TIMM44: variants seen among roughly 807,000 people sequenced by gnomAD.
The protein encoded by TIMM44 is mitochondrial import inner membrane translocase subunit TIM44.
In TIMM44, 37 loss-of-function variants were observed where a neutral mutation model predicts 63.8. The ratio of observed to expected loss-of-function variants is 0.58; its 90% confidence interval spans 0.45 to 0.76. The LOEUF is 0.76. Ranked by LOEUF, TIMM44 falls within the 30% of genes least tolerant of loss-of-function variation. The pLI is 0.00. For synonymous variants in TIMM44, 239 were observed against 245.1 expected (o/e 0.98, Z 0.23); for missense variants, 573 against 603.8 (o/e 0.95, Z 0.54).
chr19:7,937,989 G>T (rs771879435), intron 3 of TIMM44, 38 bp downstream of exon 3: 1 of 1,612,800 alleles, frequency 6.2e-7, no homozygotes, highest in Non-Finnish European at 8.5e-7. Flanking sequence ...CTACTCTCCA[G>T]CCTGGGTGAG....
intron 1 of TIMM44, among the ~76,000 whole-genome samples, chr19:7,942,214 GCACACACCTGTAGTCC>G (rs1210872740): frequency 2.6e-5 from 4 of 152,150 alleles, no homozygotes; most frequent in East Asian, 3.8e-4. Context: ...GGGCGTGGTG[GCACACACCTGTAGTCC>G]CACACACCTG....
At chr19:7,937,480 C>T (rs1158772179) in intron 3 of TIMM44, among the ~76,000 whole-genome samples, 1 of 152,168 alleles carries the variant, frequency 6.6e-6, no homozygotes, top group Non-Finnish European at 1.5e-5. Context: ...CCAGGAGGAG[C>T]CACTGCTGCT....
rs144223430 is a variant in TIMM44, at chr19:7,938,080, C to T, written c.259G>A (p.Glu87Lys). The change falls in exon 3 of 13, where the codon GAG becomes AAG. Residue 87 changes from glutamate (E) to lysine (K), a missense_variant. Transcript: ENST00000270538. ...MKESIKKFRD[E>K]ARRLEESDVL... ...TCTGATTCTTCTAGCCTTCTGGCCT[C>T]GTCACGGAATTTTTTTATACTTTCT... 2.7e-5 allele frequency: 44 copies of T among 1,614,060 alleles called. No individual in the cohort carries two copies. The highest frequency in any genetic ancestry group is 3.1e-5 in the Non-Finnish European group (36 of 1,180,026).
chr19:7,939,334 G>A (rs953997221), intron 2 of TIMM44, among the ~76,000 whole-genome samples: 18 of 152,120 alleles, frequency 1.2e-4, no homozygotes, highest in Non-Finnish European at 2.4e-4. Context: ...AAACAAGGCC[G>A]GGCGCAGTGG....
In TIMM44 at chr19:7,931,112, AAAAG is replaced by A. The variant is rs777120704; in HGVS notation, c.1038+22_1038+25del. 3.2e-5 allele frequency: 51 copies of A among 1,608,316 alleles called. 1 individual carries two copies. The African/African-American group carries it at 6.2e-4, about 19-fold the overall frequency. On this transcript the variant is annotated intron_variant, in intron 10 of 12. Coordinates refer to ENST00000270538, the MANE Select transcript of TIMM44 (RefSeq NM_006351.4). ...TGATTTTTTAGGCCTTAAAAAAAAA[AAAAG>A]AAAAAGAAAGGAAGTACTCACAGCT...
Position 7,931,122 on chromosome 19 carries a change from G to C in TIMM44, c.1038+16C>G. The C allele has an allele frequency of 6.2e-7, 1 of 1,600,866 alleles. No individual in the cohort carries two copies. The highest frequency in any genetic ancestry group is 8.5e-7 in the Non-Finnish European group (1 of 1,172,760). On this transcript the variant is annotated intron_variant, in intron 10 of 12. Coordinates refer to ENST00000270538, the MANE Select transcript of TIMM44 (RefSeq NM_006351.4). ...GGCCTTAAAAAAAAAAAAAGAAAAA[G>C]AAAGGAAGTACTCACAGCTTCATAG...
At position 7,934,042 on chromosome 19, in the gene TIMM44, G is replaced by C; in HGVS notation, c.544-39C>G. On this transcript the variant is annotated intron_variant, in intron 5 of 12. Transcript: ENST00000270538. This position sits in a 1 kb window ranked among gnomAD's most constrained non-coding sequence, Gnocchi z 5.3. Reference sequence around the variant, plus strand: ...ACAGCGGGGCTGGGGTGGGTGTCTGGGTTCGGCCGCCCCAGGCTGCATGCC... The same window carrying C: ...ACAGCGGGGCTGGGGTGGGTGTCTGCGTTCGGCCGCCCCAGGCTGCATGCC... 6.2e-7 allele frequency: 1 copy of C among 1,613,398 alleles called. No individual in the cohort carries two copies. The highest frequency in any genetic ancestry group is 8.5e-7 in the Non-Finnish European group (1 of 1,179,964).
At chr19:7,932,445 G>T in intron 9 of TIMM44, 182 bp downstream of exon 9, 1 of 775,902 alleles carries the variant, frequency 1.3e-6, no homozygotes, top group Middle Eastern at 3.8e-4. Flanking sequence ...GCCCAGGAAG[G>T]GCTTCGGGCA....
intron 10 of TIMM44, among the ~76,000 whole-genome samples, chr19:7,930,380 C>T (rs977762123): frequency 6.7e-6 from 1 of 149,490 alleles, no homozygotes; most frequent in Non-Finnish European, 1.5e-5. Flanking sequence ...GCGACCTCAG[C>T]TCACTGTAAC....
In TIMM44 at chr19:7,935,156, A is replaced by AGC; in HGVS notation, c.313-13_313-12dup. 1.3e-6 allele frequency: 2 copies of AGC among 1,491,230 alleles called. No individual in the cohort carries two copies. Among genetic ancestry groups the AGC allele is most frequent in the Non-Finnish European group, 1.9e-6 (2 of 1,077,864 alleles). 92.4% of individuals were successfully genotyped at this position (1,491,230 alleles called of 1,614,324 possible). A position where few individuals can be genotyped will look rare whatever the true frequency, so the allele number is the denominator to read the frequency against. ...TGACTCGATGGTTTTCTAGGTAAAG[A>AGC]GCGCTGTGTCCTTTTTTTTTTTTTT... On this transcript the variant is annotated splice_polypyrimidine_tract_variant and intron_variant, in intron 3 of 12. Transcript: ENST00000270538.
rs530017222 is a variant in TIMM44 at position 7,928,376 on chromosome 19, T to G, written c.1039-210A>C. 1.1e-4 allele frequency: 62 copies of G among 576,444 alleles called. 1 individual carries two copies. The highest frequency in any genetic ancestry group is 9.5e-4 in the South Asian group (44 of 46,200). 35.7% of individuals were successfully genotyped at this position (576,444 alleles called of 1,614,324 possible). ...TCCCACTCCTGGGAACAACACTCTA[T>G]CCAGATGACCCAATGAAAACAGGAT... is the stretch of plus-strand genomic sequence containing the variant. On this transcript the variant is annotated intron_variant, in intron 10 of 12. Coordinates refer to ENST00000270538, the MANE Select transcript of TIMM44 (RefSeq NM_006351.4).
rs1220802236 is a variant in TIMM44, at chr19:7,933,341, C to A, written c.769+144G>T. 4.9e-6 allele frequency: 4 copies of A among 812,126 alleles called. No individual in the cohort carries two copies. Among genetic ancestry groups the A allele is most frequent in the Non-Finnish European group, 4.4e-6 (2 of 451,470 alleles). The allele number at this position is 812,126 out of a possible 1,614,324, so 50.3% of individuals were successfully genotyped here. On this transcript the variant is annotated intron_variant, in intron 7 of 12. Transcript: ENST00000270538. This position sits in a 1 kb window ranked among gnomAD's most constrained non-coding sequence, Gnocchi z 4.3. Reference sequence around the variant, plus strand: ...ATCTACAGCCCCACCATCATGTGACCGCAAAGAAGTGACCGGCCCACTCTG... The same window carrying A: ...ATCTACAGCCCCACCATCATGTGACAGCAAAGAAGTGACCGGCCCACTCTG...
intron 3 of TIMM44, 82 bp downstream of exon 3, chr19:7,937,945 G>T: frequency 6.5e-7 from 1 of 1,533,486 alleles, no homozygotes; most frequent in South Asian, 1.1e-5. Flanking sequence ...TTGAACCTGG[G>T]AGGTGGAGGT....
At chr19:7,938,627 T>G (rs190210241) in intron 2 of TIMM44, among the ~76,000 whole-genome samples, 4 of 152,090 alleles carry the variant, frequency 2.6e-5, no homozygotes, top group African/African-American at 9.6e-5. Context: ...GCCAAAATGG[T>G]GAAACCTCAT....
chr19:7,928,931 A>C (rs1200730014), intron 10 of TIMM44: 1 of 133,608 alleles, frequency 7.5e-6, no homozygotes, highest in South Asian at 2.3e-4. Flanking sequence ...ACCAAAAAAA[A>C]AAAAAAAAAA....
rs55658083 is a variant in TIMM44 at position 7,934,451 on chromosome 19, C to T, written c.394-213G>A. Among the ~76,000 whole-genome samples the T allele has an allele frequency of 0.071, 10,142 of 142,562 alleles. 416 individuals carry two copies. The highest frequency in any genetic ancestry group is 0.12 in the African/African-American group (4,473 of 36,788). 93.5% of individuals were successfully genotyped at this position (142,562 alleles called of 152,430 possible). ...GAGCACACCGCCACCCCCAGAGCCACGAGCACACCGGCACCCCCAGAGCCA... is the reference window on the plus strand; with the variant it reads ...GAGCACACCGCCACCCCCAGAGCCATGAGCACACCGGCACCCCCAGAGCCA... On this transcript the variant is annotated intron_variant, in intron 4 of 12. Transcript: ENST00000270538. This position sits in a 1 kb window ranked among gnomAD's most constrained non-coding sequence, Gnocchi z 5.3.
rs1385152435 is a variant in TIMM44, at chr19:7,943,059, G to T, written c.45+548C>A. Among the ~76,000 whole-genome samples the T allele has an allele frequency of 6.7e-6, 1 of 149,296 alleles. No individual in the cohort carries two copies. The highest frequency in any genetic ancestry group is 1.5e-5 in the Non-Finnish European group (1 of 67,336). ...CTGTCTCAAAAAAAAAAAAAAAAGAGAAAAAAGAAAAAACGAAGAGCACGA... is the reference window on the plus strand; with the variant it reads ...CTGTCTCAAAAAAAAAAAAAAAAGATAAAAAAGAAAAAACGAAGAGCACGA... On this transcript the variant is annotated intron_variant, in intron 1 of 12. Coordinates refer to ENST00000270538, the MANE Select transcript of TIMM44 (RefSeq NM_006351.4). This position sits in a 1 kb window ranked among gnomAD's most constrained non-coding sequence, Gnocchi z 4.3.
chr19:7,942,415 C>A (rs1274566398), intron 1 of TIMM44, among the ~76,000 whole-genome samples: 1 of 151,220 alleles, frequency 6.6e-6, no homozygotes, highest in Non-Finnish European at 1.5e-5. Flanking sequence ...CATAGCTAGA[C>A]CCTGCCTCCA....
chr19:7,941,062 TC>T (rs776037127), intron 2 of TIMM44, 39 bp downstream of exon 2: 26 of 1,551,920 alleles, frequency 1.7e-5, no homozygotes, highest in South Asian at 4.5e-5. Flanking sequence ...TTTTCGGGCC[TC>T]CCCTGTGTCT....
Sources: allele counts gnomAD v4.1 joint callset (sites outside exome capture counted in the v4.1 genomes callset), GRCh38; gene constraint gnomAD v4.1.1; non-coding constraint Gnocchi (gnomAD v3.1); transcripts MANE v1.5; gene names NCBI Gene and HGNC (gene_info 2026-07-23, HGNC 2026-07-21).